Variants in AUTS2 observed in about 807,000 individuals in gnomAD.
AUTS2 encodes autism susceptibility gene 2 protein.
A neutral mutation model predicts 112.4 loss-of-function variants in AUTS2; 17 were observed. The observed-to-expected ratio is 0.15, with a 90% confidence interval of 0.10 to 0.23. The LOEUF (loss-of-function observed/expected upper bound fraction) is 0.23. Among genes scored for constraint, AUTS2 ranks in the 10% least tolerant of loss-of-function variants. The probability of loss-of-function intolerance (pLI) is 1.00; values close to 1 mark genes in which losing one functional copy is unlikely to be tolerated. For synonymous variants in AUTS2, 751 were observed against 702.7 expected, an observed-to-expected ratio of 1.07 and a Z score of -1.09; for missense variants, 1,510 against 1,701.6, an observed-to-expected ratio of 0.89 and a Z score of 1.98.
intron 4 of AUTS2, among the ~76,000 whole-genome samples, chr7:70,344,065 G>T (rs752990559): frequency 6.6e-5 from 10 of 152,082 alleles, no homozygotes; most frequent in Non-Finnish European, 1.2e-4. Flanking sequence ...TTTGAGGGTC[G>T]TGCAGGTTCA....
intron 4 of AUTS2, among the ~76,000 whole-genome samples, chr7:70,409,706 T>C (rs114242881): frequency 5.9e-4 from 90 of 152,318 alleles, no homozygotes; most frequent in African/African-American, 2.0e-3. Context: ...TGAGACGTTA[T>C]ACTAAAATTT....
At chr7:70,421,609 G>T (rs968219484) in intron 4 of AUTS2, among the ~76,000 whole-genome samples, 1 of 152,188 alleles carries the variant, frequency 6.6e-6, no homozygotes, top group Admixed American at 6.5e-5. Flanking sequence ...ATTTGAATTT[G>T]TCTTTTCTCT....
At chr7:70,515,933 C>T (rs1024174267) in intron 5 of AUTS2, among the ~76,000 whole-genome samples, 23 of 152,216 alleles carry the variant, frequency 1.5e-4, no homozygotes, top group African/African-American at 5.5e-4. Context: ...ACTTATCAGC[C>T]CTAAACAGAA....
rs565563844 is a variant in AUTS2 at position 70,651,413 on chromosome 7, C to T, written c.691-47156C>T. On this transcript the variant is annotated intron_variant, in intron 5 of 18. Transcript: ENST00000342771. Reference sequence around the variant, plus strand: ...CTTAACTTACATTGGGGTTACATCCCGATAAACCCTTCATACGTGGAAAAT... The same window carrying T: ...CTTAACTTACATTGGGGTTACATCCTGATAAACCCTTCATACGTGGAAAAT... Among the ~76,000 whole-genome samples the T allele has an allele frequency of 3.0e-4, 45 of 152,250 alleles. 1 individual carries two copies. In the South Asian group the frequency reaches 6.6e-3, roughly 22 times the overall value.
At chr7:70,576,129 T>G (rs1802154231) in intron 5 of AUTS2, among the ~76,000 whole-genome samples, 1 of 152,080 alleles carries the variant, frequency 6.6e-6, no homozygotes, top group African/African-American at 2.4e-5. Flanking sequence ...CAGATGTACA[T>G]TTTTTATTGC....
At chr7:70,056,089 G>A (rs1409505696) in intron 2 of AUTS2, among the ~76,000 whole-genome samples, 1 of 152,066 alleles carries the variant, frequency 6.6e-6, no homozygotes, top group Non-Finnish European at 1.5e-5. Context: ...CCGGGTTCTA[G>A]CGATTCTCCT....
At chr7:69,764,687 A>G (rs1788344822) in intron 1 of AUTS2, among the ~76,000 whole-genome samples, 1 of 152,210 alleles carries the variant, frequency 6.6e-6, no homozygotes, top group South Asian at 2.1e-4. Flanking sequence ...CAAAACTTGT[A>G]TATTTCAGCA....
chr7:69,661,451 C>T (rs1238010048), intron 1 of AUTS2, among the ~76,000 whole-genome samples: 1 of 152,130 alleles, frequency 6.6e-6, no homozygotes, highest in Non-Finnish European at 1.5e-5. Context: ...ATTGCCTTCT[C>T]TCGGTCCTAT....
intron 6 of AUTS2, among the ~76,000 whole-genome samples, chr7:70,727,696 A>T (rs1334646089): frequency 1.3e-5 from 2 of 152,212 alleles, no homozygotes; most frequent in African/African-American, 4.8e-5. Flanking sequence ...TTGTCTTAAG[A>T]TAAAAAGACT....
chr7:69,664,200 C>T (rs1203644069), intron 1 of AUTS2, among the ~76,000 whole-genome samples: 1 of 152,128 alleles, frequency 6.6e-6, no homozygotes, highest in African/African-American at 2.4e-5. Context: ...TAATGAAGCA[C>T]AGCACATGGC....
At chr7:70,304,025 G>T (rs1417797706) in intron 4 of AUTS2, among the ~76,000 whole-genome samples, 3 of 152,032 alleles carry the variant, frequency 2.0e-5, no homozygotes, top group Non-Finnish European at 4.4e-5. Flanking sequence ...TCACCTTCTT[G>T]GGTCTCAGGG....
intron 5 of AUTS2, among the ~76,000 whole-genome samples, chr7:70,677,740 A>G (rs1807991235): frequency 6.6e-6 from 1 of 151,768 alleles, no homozygotes; most frequent in Non-Finnish European, 1.5e-5. Flanking sequence ...ACTTTTCTTA[A>G]TGCTTCCCTG....
chr7:69,683,623 G>A (rs1378905590), intron 1 of AUTS2, among the ~76,000 whole-genome samples: 2 of 151,788 alleles, frequency 1.3e-5, no homozygotes, highest in Non-Finnish European at 2.9e-5. Flanking sequence ...GAGACTGGGC[G>A]CAATGGCTCA....
At chr7:70,394,543 T>C (rs1794001913) in intron 4 of AUTS2, among the ~76,000 whole-genome samples, 1 of 152,094 alleles carries the variant, frequency 6.6e-6, no homozygotes, top group Admixed American at 6.5e-5. Flanking sequence ...ATGAGATGAG[T>C]TGAAAATAAT....
intron 5 of AUTS2, among the ~76,000 whole-genome samples, chr7:70,619,875 C>T (rs1022379322): frequency 1.3e-5 from 2 of 152,192 alleles, no homozygotes; most frequent in South Asian, 2.1e-4. Context: ...CGCCTGCCTC[C>T]GCCCATGGCT....
At chr7:70,594,185 C>T (rs1195724270) in intron 5 of AUTS2, among the ~76,000 whole-genome samples, 1 of 152,174 alleles carries the variant, frequency 6.6e-6, no homozygotes, top group Admixed American at 6.5e-5. Context: ...CTTTTTGATA[C>T]ACGGTGCAAC....
At chr7:70,430,557 G>T (rs1795614579) in intron 4 of AUTS2, among the ~76,000 whole-genome samples, 1 of 152,076 alleles carries the variant, frequency 6.6e-6, no homozygotes, top group Non-Finnish European at 1.5e-5. Context: ...GCATATACAT[G>T]GTAGAAAGGA....
rs1806373188 is a variant in AUTS2, at chr7:70,649,524, A to ATTTG, written c.691-49042_691-49041insGTTT. Among the ~76,000 whole-genome samples the ATTTG allele has an allele frequency of 6.0e-5, 9 of 150,806 alleles. No homozygotes were observed. The East Asian group carries it at 1.6e-3, about 26-fold the overall frequency. On this transcript the variant is annotated intron_variant, in intron 5 of 18. Transcript: ENST00000342771. ...ATTTTATTTATTTATTTATTTATTT[A>ATTTG]TTTATTTATTTATTTATTTTTTGAG...
At chr7:70,564,342 G>T (rs971531295) in intron 5 of AUTS2, among the ~76,000 whole-genome samples, 3 of 152,144 alleles carry the variant, frequency 2.0e-5, no homozygotes, top group Non-Finnish European at 4.4e-5. Context: ...TTAGATGCTC[G>T]AGTAATTATC....
Sources: gnomAD v4.1 joint callset for allele counts (sites outside exome capture counted in the v4.1 genomes callset) on GRCh38, gnomAD v4.1.1 for gene constraint, MANE v1.5 for transcripts, NCBI Gene and HGNC (gene_info 2026-07-23, HGNC 2026-07-21) for gene names.